The following RIMS2 variants were observed in gnomAD, a reference collection of about 807,000 sequenced individuals.
RIMS2 encodes regulating synaptic membrane exocytosis protein 2.
RIMS2 carries 59 observed loss-of-function variants against 174.4 expected under a neutral mutation model. The observed-to-expected ratio is 0.34, with a 90% CI of 0.27 to 0.42. RIMS2 has a LOEUF of 0.42. Ranked by LOEUF, RIMS2 falls within the 10% of genes least tolerant of loss-of-function variation. The probability of loss-of-function intolerance (pLI) is 1.00; values close to 1 mark genes in which losing one functional copy is unlikely to be tolerated. For synonymous variants in RIMS2, 606 were observed against 572.5 expected, an observed-to-expected ratio of 1.06 and a Z score of -0.84; for missense variants, 1,620 against 1,666.3, an observed-to-expected ratio of 0.97 and a Z score of 0.48.
At chr8:103,525,651 A>C (rs1192663746) in intron 1 of RIMS2, among the ~76,000 whole-genome samples, 2 of 152,242 alleles carry the variant, frequency 1.3e-5, no homozygotes, top group Non-Finnish European at 2.9e-5. Flanking sequence ...TAGACAGGCA[A>C]AAATGACAAA....
intron 19 of RIMS2, among the ~76,000 whole-genome samples, chr8:104,130,952 A>G (rs770179466): frequency 9.2e-5 from 14 of 152,230 alleles, no homozygotes; most frequent in African/African-American, 2.4e-5. Flanking sequence ...AAGAGGGAAA[A>G]GAGAAGGAGG....
intron 13 of RIMS2, among the ~76,000 whole-genome samples, chr8:103,937,556 A>G (rs749138217): frequency 6.6e-6 from 1 of 152,208 alleles, no homozygotes; most frequent in Non-Finnish European, 1.5e-5. Context: ...ATTAGAATAT[A>G]ACATGCCAAT....
intron 1 of RIMS2, among the ~76,000 whole-genome samples, chr8:103,508,948 C>T (rs893911661): frequency 5.3e-5 from 8 of 151,934 alleles, no homozygotes; most frequent in African/African-American, 1.9e-4. Context: ...TATATATCTG[C>T]CTGTATCTGC....
At position 104,015,442 on chromosome 8, in the gene RIMS2, T is replaced by C. The variant is rs753505568; in HGVS notation, c.3334+827T>C. 7.7e-5 allele frequency: 55 copies of C among 711,852 alleles called. 1 individual carries two copies. The highest frequency in any genetic ancestry group is 7.2e-4 in the South Asian group (49 of 67,794). The allele number at this position is 711,852 out of a possible 1,614,324, so 44.1% of individuals were successfully genotyped here. ...TCCCTAGACAATGGAGTCAAGGAGA[T>C]AGAACCTTATGAAGGTCTGTACATA... On this transcript the variant is annotated intron_variant, in intron 19 of 23. Coordinates refer to ENST00000504942, the Ensembl canonical transcript of RIMS2.
chr8:103,768,918 G>T, intron 3 of RIMS2: 1 of 455,768 alleles, frequency 2.2e-6, no homozygotes, highest in South Asian at 2.0e-5. Context: ...CTTAACTTTT[G>T]GCCAAGAGAA....
chr8:104,144,298 G>A (rs2098610119), intron 19 of RIMS2, among the ~76,000 whole-genome samples: 1 of 152,032 alleles, frequency 6.6e-6, no homozygotes, highest in Non-Finnish European at 1.5e-5. Flanking sequence ...TTAGAAATAT[G>A]CACAAAACAA....
intron 19 of RIMS2, among the ~76,000 whole-genome samples, chr8:104,159,504 A>G (rs1045363856): frequency 8.5e-5 from 13 of 152,162 alleles, no homozygotes; most frequent in African/African-American, 3.1e-4. Context: ...ACTGGTTTTC[A>G]TAGCAGCTGT....
rs1433710311 is a variant in RIMS2, at chr8:104,211,847, A to G, written c.3335-33069A>G. On this transcript the variant is annotated intron_variant, in intron 19 of 23. Transcript: ENST00000504942. ...TTTTAAAGATAGTCCTAGCTGCTTTATGAGGAATATCTTGGGGGCAAGAGT... is the reference window on the plus strand; with the variant it reads ...TTTTAAAGATAGTCCTAGCTGCTTTGTGAGGAATATCTTGGGGGCAAGAGT... Among the ~76,000 whole-genome samples, 8 of 152,268 alleles carry G rather than the reference A, an allele frequency of 5.3e-5. No individual in the cohort carries two copies. The East Asian group carries it at 1.4e-3, about 26-fold the overall frequency.
intron 3 of RIMS2, among the ~76,000 whole-genome samples, chr8:103,786,947 G>A (rs2154438053): frequency 6.6e-6 from 1 of 151,732 alleles, no homozygotes; most frequent in East Asian, 1.9e-4. Context: ...CTATGAATCT[G>A]GGTGCTCCTA....
chr8:104,248,429 A>G (rs1316258189), intron 20 of RIMS2, among the ~76,000 whole-genome samples: 1 of 152,168 alleles, frequency 6.6e-6, no homozygotes, highest in Non-Finnish European at 1.5e-5. Context: ...ACTCATAGAA[A>G]TCACAGTCTG....
At chr8:103,815,112 C>T (rs2098710997) in intron 3 of RIMS2, among the ~76,000 whole-genome samples, 1 of 151,856 alleles carries the variant, frequency 6.6e-6, no homozygotes, top group Non-Finnish European at 1.5e-5. Flanking sequence ...ATGTTCTTAC[C>T]CAGAGATAAT....
chr8:103,967,170 G>GTTTTTTTTTTTTTTTTT lies in RIMS2; in HGVS notation c.2770+6051_2770+6067dup, dbSNP rs71575988. On this transcript the variant is annotated intron_variant, in intron 15 of 23. Coordinates refer to ENST00000504942, the Ensembl canonical transcript of RIMS2. ...TTTTCTGCCTGCTTGATCTGTTCTT[G>GTTTTTTTTTTTTTTTTT]TTTTTTTTTTTTTTTTTTTTTTTTT... is the stretch of plus-strand genomic sequence containing the variant. 6.8e-4 allele frequency among the ~76,000 whole-genome samples: 17 copies of GTTTTTTTTTTTTTTTTT among 24,964 alleles called. 6 individuals carry two copies. The highest frequency in any genetic ancestry group is 2.7e-3 in the African/African-American group (13 of 4,738). 16.4% of individuals were successfully genotyped at this position (24,964 alleles called of 152,430 possible).
intron 3 of RIMS2, among the ~76,000 whole-genome samples, chr8:103,771,246 A>G (rs966726975): frequency 6.6e-6 from 1 of 152,188 alleles, no homozygotes; most frequent in African/African-American, 2.4e-5. Context: ...TTGAGTTTCA[A>G]GTATGTTTTT....
intron 1 of RIMS2, among the ~76,000 whole-genome samples, chr8:103,583,375 A>C (rs2093724477): frequency 6.6e-6 from 1 of 152,324 alleles, no homozygotes; most frequent in East Asian, 1.9e-4. Context: ...TTCAGTGCCT[A>C]GACACTGAAG....
chr8:104,247,506 A>C (rs189242086), intron 20 of RIMS2, among the ~76,000 whole-genome samples: 18 of 152,346 alleles, frequency 1.2e-4, no homozygotes, highest in Admixed American at 1.2e-3. Flanking sequence ...CCTATGGCCA[A>C]ATACAGACAT....
chr8:103,782,399 T>G (rs1010590486), intron 3 of RIMS2, among the ~76,000 whole-genome samples: 2 of 151,976 alleles, frequency 1.3e-5, no homozygotes, highest in African/African-American at 4.8e-5. Context: ...AACATTTTTT[T>G]GCTATTACAA....
chr8:103,708,365 C>T (rs959896937), intron 2 of RIMS2, among the ~76,000 whole-genome samples: 2 of 152,204 alleles, frequency 1.3e-5, no homozygotes, highest in Non-Finnish European at 2.9e-5. Context: ...AGCATATATT[C>T]TTTCCTCTGG....
At chr8:103,768,391 T>C (rs1054858733) in intron 3 of RIMS2, 2 of 743,910 alleles carry the variant, frequency 2.7e-6, no homozygotes, top group Admixed American at 3.5e-5. Context: ...CAGAAGTTGC[T>C]GCTGATGCTC....
intron 19 of RIMS2, chr8:104,015,352 C>A (rs2095870028): frequency 7.9e-6 from 5 of 635,158 alleles, no homozygotes; most frequent in Admixed American, 2.6e-5. Flanking sequence ...TTGTTTTTAA[C>A]CCCTGTGCTT....
Sources: gnomAD v4.1 joint callset for allele counts (sites outside exome capture counted in the v4.1 genomes callset) on GRCh38, gnomAD v4.1.1 for gene constraint, MANE v1.5 for transcripts, NCBI Gene and HGNC (gene_info 2026-07-23, HGNC 2026-07-21) for gene names.